MAP2K5: variants seen among roughly 807,000 people sequenced by gnomAD.
MAP2K5 encodes the protein mitogen-activated protein kinase kinase 5.
A neutral mutation model predicts 83.1 loss-of-function variants in MAP2K5; 49 were observed. The observed-to-expected ratio is 0.59, with a 90% CI of 0.47 to 0.75. The LOEUF (loss-of-function observed/expected upper bound fraction) is 0.75. MAP2K5 is among the 30% of genes least tolerant of loss of function. The pLI, the probability that MAP2K5 is intolerant of heterozygous loss-of-function variation, is 0.00. For synonymous variants in MAP2K5, 202 were observed against 191.8 expected, an observed-to-expected ratio of 1.05 and a Z score of -0.44; for missense variants, 457 against 557.5, an observed-to-expected ratio of 0.82 and a Z score of 1.82.
At chr15:67,659,154 A>G (rs2087168861) in intron 12 of MAP2K5, 1 of 206,664 alleles carries the variant, frequency 4.8e-6, no homozygotes, top group Admixed American at 5.4e-5. Context: ...TATATGCACT[A>G]ATATACTGAT....
chr15:67,544,927 C>T (rs1280314025), intron 1 of MAP2K5, among the ~76,000 whole-genome samples: 1 of 152,212 alleles, frequency 6.6e-6, no homozygotes, highest in African/African-American at 2.4e-5. Context: ...GTTCTCCACA[C>T]AGTCATGCAC....
rs1272927225 is a variant in MAP2K5 at position 67,736,327 on chromosome 15, C to A, written c.1074+8382C>A. Among the ~76,000 whole-genome samples, 1 of 152,228 alleles carries A rather than the reference C, an allele frequency of 6.6e-6. No homozygotes were observed. Among genetic ancestry groups the A allele is most frequent in the East Asian group, 1.9e-4 (1 of 5,202 alleles). On this transcript the variant is annotated intron_variant, in intron 17 of 21. Transcript: ENST00000178640. The surrounding 1 kb of genome is among the most constrained non-coding windows in gnomAD (Gnocchi z 4.3). ...CATGCCCCTGAGGGGTTCCCTGCCA[C>A]CCTTTATGAATTTGGCTTGGTATAT...
rs140017624 is a variant in MAP2K5, at chr15:67,758,775, T to A, written c.1134+10174T>A. Among the ~76,000 whole-genome samples, 1 of 152,300 alleles carries A rather than the reference T, an allele frequency of 6.6e-6. No individual in the cohort carries two copies. Among genetic ancestry groups the A allele is most frequent in the Non-Finnish European group, 1.5e-5 (1 of 68,030 alleles). Reference sequence around the variant, plus strand: ...CTGTCACATTCTTTCCCCACAACACTCTATTTTACAGACAAGGAAACTGAG... The same window carrying A: ...CTGTCACATTCTTTCCCCACAACACACTATTTTACAGACAAGGAAACTGAG... On this transcript the variant is annotated intron_variant, in intron 19 of 21. Coordinates refer to ENST00000178640, the MANE Select transcript of MAP2K5 (RefSeq NM_145160.3). The surrounding 1 kb of genome is among the most constrained non-coding windows in gnomAD (Gnocchi z 4.7).
At chr15:67,694,012 GT>G in intron 15 of MAP2K5, among the ~76,000 whole-genome samples, 2 of 151,810 alleles carry the variant, frequency 1.3e-5, no homozygotes, top group South Asian at 4.2e-4. Flanking sequence ...ATCTCTGAAT[GT>G]AAAGGTTTAG....
chr15:67,759,605 C>T (rs1288571452), intron 19 of MAP2K5, among the ~76,000 whole-genome samples: 1 of 151,798 alleles, frequency 6.6e-6, no homozygotes, highest in Non-Finnish European at 1.5e-5. Flanking sequence ...TAACCAACTT[C>T]AGAGGAAATA....
intron 3 of MAP2K5, among the ~76,000 whole-genome samples, chr15:67,575,924 T>TTCTTTCTTTCTTTC (rs1567283643): frequency 4.3e-4 from 5 of 11,634 alleles, no homozygotes; most frequent in Non-Finnish European, 9.6e-4. Context: ...TTCTTTTTTT[T>TTCTTTCTTTCTTTC]TTTTTTTTTT....
intron 17 of MAP2K5, among the ~76,000 whole-genome samples, chr15:67,744,176 G>C (rs1037355406): frequency 7.2e-5 from 11 of 152,184 alleles, no homozygotes; most frequent in African/African-American, 2.6e-4. Flanking sequence ...CATAATCCCT[G>C]TTTATATTTA....
In MAP2K5 at chr15:67,640,028, A is replaced by G. The variant is rs1434210258; in HGVS notation, c.586-6203A>G. Among the ~76,000 whole-genome samples the G allele has an allele frequency of 2.0e-5, 3 of 152,212 alleles. No homozygotes were observed. The highest frequency in any genetic ancestry group is 4.4e-5 in the Non-Finnish European group (3 of 68,040). On this transcript the variant is annotated intron_variant, in intron 9 of 21. Transcript: ENST00000178640. This position sits in a 1 kb window ranked among gnomAD's most constrained non-coding sequence, Gnocchi z 4.6. ...ATGTCTTTTAAGGGTGTTATCACCA[A>G]CTGCCTTGTATTTTGCTGTTAGTAT...
chr15:67,659,047 CTT>C, intron 12 of MAP2K5: 1 of 240,146 alleles, frequency 4.2e-6, no homozygotes, highest in Non-Finnish European at 8.3e-6. Flanking sequence ...TTTTTGCAGT[CTT>C]TTTATGTTCT....
At chr15:67,603,735 T>G (rs1404691586) in intron 8 of MAP2K5, among the ~76,000 whole-genome samples, 2 of 152,212 alleles carry the variant, frequency 1.3e-5, no homozygotes, top group Non-Finnish European at 2.9e-5. Context: ...AAAGTCTCTA[T>G]AAAACTAAGT....
chr15:67,701,394 G>A (rs1178153857), intron 15 of MAP2K5, among the ~76,000 whole-genome samples: 1 of 152,144 alleles, frequency 6.6e-6, no homozygotes, highest in Non-Finnish European at 1.5e-5. Context: ...AGGTATGTCT[G>A]CCTAGTACTC....
At chr15:67,582,054 G>GT (rs1406812006) in intron 4 of MAP2K5, among the ~76,000 whole-genome samples, 3 of 140,554 alleles carry the variant, frequency 2.1e-5, no homozygotes, top group Non-Finnish European at 3.1e-5. Context: ...GGATGTAGAT[G>GT]ATTTCTTTTT....
intron 8 of MAP2K5, among the ~76,000 whole-genome samples, chr15:67,621,140 T>C (rs947929995): frequency 3.3e-5 from 5 of 152,166 alleles, no homozygotes; most frequent in Non-Finnish European, 7.4e-5. Context: ...AAAAGAATGC[T>C]GCTACTGTGG....
At chr15:67,609,708 G>A (rs974230370) in intron 8 of MAP2K5, among the ~76,000 whole-genome samples, 1 of 149,052 alleles carries the variant, frequency 6.7e-6, no homozygotes, top group African/African-American at 2.5e-5. Context: ...TAGGTCTATA[G>A]AATAGACTTT....
intron 6 of MAP2K5, among the ~76,000 whole-genome samples, chr15:67,590,597 C>G (rs2085385682): frequency 6.6e-6 from 1 of 152,044 alleles, no homozygotes; most frequent in South Asian, 2.1e-4. Flanking sequence ...GGATTACAGG[C>G]ACATGCCGCC....
At chr15:67,568,660 A>G (rs1320723412) in intron 3 of MAP2K5, among the ~76,000 whole-genome samples, 1 of 152,136 alleles carries the variant, frequency 6.6e-6, no homozygotes, top group African/African-American at 2.4e-5. Flanking sequence ...AGTGTAAAAA[A>G]TAATACTTAT....
intron 19 of MAP2K5, among the ~76,000 whole-genome samples, chr15:67,765,554 A>G (rs558546436): frequency 1.2e-4 from 19 of 152,312 alleles, no homozygotes; most frequent in African/African-American, 4.3e-4. Context: ...ATAGTTTCAA[A>G]AAAAGAATAT....
chr15:67,716,563 C>A (rs192958395), intron 16 of MAP2K5, among the ~76,000 whole-genome samples: 4 of 152,048 alleles, frequency 2.6e-5, no homozygotes, highest in Non-Finnish European at 5.9e-5. Context: ...CTCTTATATG[C>A]CTTATGTTGT....
intron 13 of MAP2K5, among the ~76,000 whole-genome samples, chr15:67,674,895 A>G (rs763242002): frequency 1.1e-4 from 16 of 152,200 alleles, no homozygotes; most frequent in Admixed American, 2.0e-4. Flanking sequence ...AATTAAAACC[A>G]CCATGAGATA....
Sources: gnomAD v4.1 joint callset for allele counts (sites outside exome capture counted in the v4.1 genomes callset) on GRCh38, gnomAD v4.1.1 for gene constraint, Gnocchi (gnomAD v3.1) non-coding constraint, MANE v1.5 for transcripts, NCBI Gene and HGNC (gene_info 2026-07-23, HGNC 2026-07-21) for gene names.